Variants in DCC observed in about 807,000 individuals in gnomAD.
DCC encodes netrin receptor DCC.
DCC carries 58 observed loss-of-function variants against 172.5 expected under a neutral mutation model. That is an observed-to-expected ratio of 0.34 (90% CI 0.27 to 0.42). DCC has a LOEUF of 0.42. DCC is among the 10% of genes least tolerant of loss of function. DCC has a pLI of 1.00. For synonymous variants in DCC, 709 were observed against 644.5 expected (o/e 1.10, Z -1.52); for missense variants, 1,740 against 1,791.0 (o/e 0.97, Z 0.51).
At chr18:52,873,104 A>C (rs2039347610) in intron 2 of DCC, among the ~76,000 whole-genome samples, 1 of 152,192 alleles carries the variant, frequency 6.6e-6, no homozygotes. Flanking sequence ...AAAATACCTT[A>C]CAAAATATCC....
intron 2 of DCC, among the ~76,000 whole-genome samples, chr18:52,813,264 T>C (rs1227515181): frequency 6.6e-6 from 1 of 152,236 alleles, no homozygotes. Context: ...TGAATATGAA[T>C]CCACATTTTT....
At chr18:52,434,236 A>G (rs1478015297) in intron 1 of DCC, among the ~76,000 whole-genome samples, 1 of 152,136 alleles carries the variant, frequency 6.6e-6, no homozygotes, top group African/African-American at 2.4e-5. Flanking sequence ...AAAGAGAAAA[A>G]TTTTGCTTTC....
At chr18:52,403,194 A>G (rs558272570) in intron 1 of DCC, among the ~76,000 whole-genome samples, 2 of 152,194 alleles carry the variant, frequency 1.3e-5, no homozygotes, top group African/African-American at 4.8e-5. Context: ...TTTTTAAGAA[A>G]CATCTCTACA....
At chr18:53,462,202 G>C (rs1015573702) in intron 24 of DCC, among the ~76,000 whole-genome samples, 1 of 152,118 alleles carries the variant, frequency 6.6e-6, no homozygotes, top group Non-Finnish European at 1.5e-5. Flanking sequence ...TCAACCCCTG[G>C]ACCATGGATC....
chr18:52,841,635 GA>G (rs980250088), intron 2 of DCC, among the ~76,000 whole-genome samples: 14 of 151,860 alleles, frequency 9.2e-5, no homozygotes, highest in African/African-American at 3.4e-4. Flanking sequence ...AAGGCTGTCT[GA>G]AAAAAAATAG....
chr18:53,386,434 T>A (rs1187940744), intron 16 of DCC, among the ~76,000 whole-genome samples: 1 of 152,186 alleles, frequency 6.6e-6, no homozygotes, highest in East Asian at 1.9e-4. Context: ...CCCAATAGCA[T>A]CATGGTTTTG....
chr18:53,257,210 C>T (rs1470413849), intron 12 of DCC, among the ~76,000 whole-genome samples: 1 of 152,140 alleles, frequency 6.6e-6, no homozygotes, highest in East Asian at 1.9e-4. Context: ...TTATTTCCTT[C>T]TCCTGCCTGA....
chr18:52,713,124 G>C (rs2036322232), intron 1 of DCC, among the ~76,000 whole-genome samples: 1 of 152,176 alleles, frequency 6.6e-6, no homozygotes, highest in Non-Finnish European at 1.5e-5. Context: ...AGTGTCGAGG[G>C]ACTTGTCCAA....
intron 1 of DCC, among the ~76,000 whole-genome samples, chr18:52,395,226 G>A (rs927549634): frequency 1.3e-5 from 2 of 152,018 alleles, no homozygotes; most frequent in African/African-American, 4.8e-5. Context: ...GTATTTTTAT[G>A]TTTAGATTGA....
chr18:52,585,548 C>A (rs1023897), intron 1 of DCC, among the ~76,000 whole-genome samples: 1 of 152,188 alleles, frequency 6.6e-6, no homozygotes, highest in Non-Finnish European at 1.5e-5. Context: ...GATTGGTTTC[C>A]AGTCAGGAAA....
chr18:53,001,991 T>C (rs987852233), intron 5 of DCC, among the ~76,000 whole-genome samples: 2 of 152,112 alleles, frequency 1.3e-5, no homozygotes, highest in Non-Finnish European at 2.9e-5. Context: ...ACTTTCATGG[T>C]TCTGTAACTC....
chr18:52,535,503 T>C (rs914576617), intron 1 of DCC, among the ~76,000 whole-genome samples: 4 of 152,066 alleles, frequency 2.6e-5, no homozygotes, highest in African/African-American at 9.7e-5. Context: ...ATCAAGTGTA[T>C]GCATTTTGTG....
At chr18:52,358,663 C>T (rs1217145674) in intron 1 of DCC, among the ~76,000 whole-genome samples, 1 of 152,126 alleles carries the variant, frequency 6.6e-6, no homozygotes, top group African/African-American at 2.4e-5. Context: ...TACTCTCCAC[C>T]CTCTAAAACT....
intron 1 of DCC, among the ~76,000 whole-genome samples, chr18:52,435,763 C>A (rs1236026491): frequency 6.6e-6 from 1 of 152,148 alleles, no homozygotes; most frequent in Non-Finnish European, 1.5e-5. Flanking sequence ...GTCTCGCTGC[C>A]CCGTGTTGGG....
chr18:53,487,049 G>A (rs1307814962), intron 26 of DCC, 91 bp downstream of exon 26: 2 of 1,541,696 alleles, frequency 1.3e-6, no homozygotes, highest in Non-Finnish European at 1.8e-6. Flanking sequence ...TTATCCCTTA[G>A]AAAAGTTGAT....
intron 18 of DCC, 140 bp downstream of exon 18, chr18:53,397,586 C>T: frequency 1.1e-6 from 1 of 882,526 alleles, no homozygotes; most frequent in East Asian, 2.6e-5. Context: ...GTTCATAGCA[C>T]TTTTATATCT....
At chr18:53,181,760 T>C (rs2055201144) in intron 9 of DCC, among the ~76,000 whole-genome samples, 1 of 152,106 alleles carries the variant, frequency 6.6e-6, no homozygotes, top group African/African-American at 2.4e-5. Flanking sequence ...CTCAGCAGAT[T>C]TGGGGGGAAG....
chr18:52,890,602 A>G (rs1181356365), intron 2 of DCC, among the ~76,000 whole-genome samples: 2 of 152,228 alleles, frequency 1.3e-5, no homozygotes, highest in African/African-American at 2.4e-5. Context: ...TACCTCACAT[A>G]TCACTCATAG....
At chr18:53,526,810 G>A (rs371895625) in intron 28 of DCC, 51 bp downstream of exon 28, 82 of 1,600,030 alleles carry the variant, frequency 5.1e-5, no homozygotes, top group South Asian at 8.8e-5. Context: ...ATTGACTGGC[G>A]CTGTGTAATA....
Sources: gnomAD v4.1 joint callset for allele counts (sites outside exome capture counted in the v4.1 genomes callset) on GRCh38, gnomAD v4.1.1 for gene constraint, MANE v1.5 for transcripts, NCBI Gene and HGNC (gene_info 2026-07-23, HGNC 2026-07-21) for gene names.